AHCY: variants seen among roughly 807,000 people sequenced by gnomAD.
AHCY encodes the protein S-adenosyl-L-homocysteine hydrolase.
Under a neutral mutation model 45.4 loss-of-function variants are expected in AHCY, and 24 were observed. The ratio of observed to expected loss-of-function variants is 0.53; its 90% CI spans 0.38 to 0.74. The LOEUF is 0.74. Ranked by LOEUF, AHCY falls within the 30% of genes least tolerant of loss-of-function variation. AHCY has a pLI of 0.00. For synonymous variants in AHCY, 245 were observed against 235.1 expected, an observed-to-expected ratio of 1.04 and a Z score of -0.39; for missense variants, 449 against 594.1, an observed-to-expected ratio of 0.76 and a Z score of 2.54.
the AHCY span, among the ~76,000 whole-genome samples, chr20:34,248,460 C>G: frequency 4.6e-5 from 7 of 152,302 alleles, no homozygotes; most frequent in African/African-American, 1.2e-4. Flanking sequence ...AAATCATTGT[C>G]TATTTTCAGA....
the AHCY span, chr20:34,246,575 C>T: frequency 6.5e-6 from 5 of 764,816 alleles, no homozygotes; most frequent in African/African-American, 1.7e-5. Flanking sequence ...AGCAATCCTC[C>T]CACCTCAGCC....
At chr20:34,258,942 C>T in the AHCY span, among the ~76,000 whole-genome samples, 4 of 140,892 alleles carry the variant, frequency 2.8e-5, no homozygotes, top group Non-Finnish European at 6.0e-5. Context: ...ACAAATATGG[C>T]TGAGTGGTGG....
upstream of AHCY, among the ~76,000 whole-genome samples, chr20:34,304,236 G>A (rs894114535): frequency 1.3e-5 from 2 of 152,130 alleles, no homozygotes; most frequent in African/African-American, 4.8e-5. Flanking sequence ...TGAGACTCAT[G>A]CATATAGCTT....
chr20:34,253,105 CT>C, the AHCY span, among the ~76,000 whole-genome samples: 4 of 149,388 alleles, frequency 2.7e-5, no homozygotes, highest in Non-Finnish European at 3.0e-5. Context: ...ATCTCTCTTT[CT>C]TTTTTTTTTA....
At chr20:34,267,314 G>A in the AHCY span, among the ~76,000 whole-genome samples, 5 of 151,926 alleles carry the variant, frequency 3.3e-5, no homozygotes, top group African/African-American at 1.2e-4. Context: ...GAAGGCCTCT[G>A]TAAGGAAGTA....
In AHCY at chr20:34,285,442, T is replaced by C. The variant is rs770419535; in HGVS notation, c.1165A>G (p.Lys389Glu). 7 of 1,613,932 alleles carry C rather than the reference T, an allele frequency of 4.3e-6. No homozygotes were observed. The highest frequency in any genetic ancestry group is 4.2e-6 in the Non-Finnish European group (5 of 1,179,844). The change falls in exon 9 of 10, where the codon AAG (lysine) becomes GAG (glutamate). Residue 389 changes from lysine (K) to glutamate (E), a missense_variant and splice_region_variant. Physicochemically the swap from Lys to Glu is moderately conservative, Grantham distance 56 (BLOSUM62 1). Coordinates refer to ENST00000217426, the MANE Select transcript of AHCY (RefSeq NM_000687.4). The part of the protein sequence containing the change: ...YPVGVHFLPK[K>E]LDEAVAEAHL... Reference sequence around the variant, plus strand: ...TTGAGGTAGAAGAATAAACCCACCTTCTTGGGCAGGAAATGAACCCCAACG... The same window carrying C: ...TTGAGGTAGAAGAATAAACCCACCTCCTTGGGCAGGAAATGAACCCCAACG...
the AHCY span, chr20:34,246,648 G>A: frequency 1.8e-6 from 1 of 544,544 alleles, no homozygotes; most frequent in Admixed American, 2.4e-5. Flanking sequence ...GGTAGAGATG[G>A]GGTTTCGCCA....
chr20:34,268,584 A>C, the AHCY span, among the ~76,000 whole-genome samples: 36 of 152,004 alleles, frequency 2.4e-4, no homozygotes, highest in Admixed American at 5.2e-4. Context: ...AATAAAAATA[A>C]ATTTAGCCAA....
the AHCY span, among the ~76,000 whole-genome samples, chr20:34,248,560 T>G: frequency 6.6e-6 from 1 of 152,150 alleles, no homozygotes. Flanking sequence ...TCCAGCACTT[T>G]GGGAGGCCGA....
intron 2 of AHCY, 129 bp from the exon 3 acceptor site, chr20:34,294,285 G>C: frequency 2.3e-6 from 2 of 857,060 alleles, no homozygotes; most frequent in South Asian, 2.9e-5. Flanking sequence ...CAAGCTCTAG[G>C]ATCACAGGCT....
intron 1 of AHCY, chr20:34,302,870 G>A (rs927577852): frequency 1.0e-5 from 10 of 985,464 alleles, no homozygotes; most frequent in Non-Finnish European, 1.1e-5. Flanking sequence ...CGCCCAGCTG[G>A]ACAGGGTCCG....
At chr20:34,245,186 T>C in the AHCY span, among the ~76,000 whole-genome samples, 5 of 150,994 alleles carry the variant, frequency 3.3e-5, no homozygotes, top group African/African-American at 9.7e-5. Context: ...ATACAAAAAT[T>C]AGCTGGGCGT....
rs549414383 is a variant in AHCY at position 34,310,294 on chromosome 20, C to T, written c.-57+1178G>A. Among the ~76,000 whole-genome samples, 10 of 152,196 alleles carry T rather than the reference C, an allele frequency of 6.6e-5. No homozygotes were observed. The East Asian group carries it at 9.6e-4, about 15-fold the overall frequency. ...CAGGCTGGTCTTGAACGCCTGACCT[C>T]GTGATCCACCTGCCTTGGCCTCCCA... On this transcript the variant is annotated intron_variant, in intron 1 of 9. Coordinates refer to the AHCY transcript ENST00000538132.
chr20:34,293,593 C>T (rs1429610864), intron 3 of AHCY: 1 of 276,308 alleles, frequency 3.6e-6, no homozygotes. Context: ...TGGTTAGAAG[C>T]AATCTTGAAT....
chr20:34,250,603 G>C, the AHCY span, among the ~76,000 whole-genome samples: 1 of 152,162 alleles, frequency 6.6e-6, no homozygotes. Context: ...TTTGAGACCA[G>C]CCTGGTCAAC....
In AHCY at chr20:34,285,447, G is replaced by C. The variant is rs777321528; in HGVS notation, c.1160C>G (p.Pro387Arg). The C allele has an allele frequency of 1.4e-5, 23 of 1,613,806 alleles. No homozygotes were observed. Among genetic ancestry groups the C allele is most frequent in the Non-Finnish European group, 1.9e-5 (23 of 1,179,862 alleles). The change falls in exon 9 of 10, where the codon CCC becomes CGC. Residue 387 changes from proline (P) to arginine (R), a missense_variant. Pro to Arg is a moderately radical substitution (Grantham distance 103, BLOSUM62 -2). Coordinates refer to ENST00000217426, the MANE Select transcript of AHCY (RefSeq NM_000687.4). Reference protein sequence around the residue: ...DKYPVGVHFLPKKLDEAVAEA... With the variant: ...DKYPVGVHFLRKKLDEAVAEA... ...GTAGAAGAATAAACCCACCTTCTTG[G>C]GCAGGAAATGAACCCCAACGGGGTA...
the AHCY span, among the ~76,000 whole-genome samples, chr20:34,256,906 G>A: frequency 1.3e-5 from 2 of 151,954 alleles, no homozygotes; most frequent in Non-Finnish European, 2.9e-5. Flanking sequence ...TCAGCCACCC[G>A]AGTAGCTGGG....
intron 8 of AHCY, among the ~76,000 whole-genome samples, chr20:34,287,535 C>T (rs1172623203): frequency 1.3e-5 from 2 of 151,982 alleles, no homozygotes; most frequent in African/African-American, 2.4e-5. Context: ...GGACTATACG[C>T]ATGAGCCACC....
At chr20:34,261,393 G>A in the AHCY span, among the ~76,000 whole-genome samples, 36,948 of 152,112 alleles carry the variant, frequency 0.24, 7,308 homozygotes, top group African/African-American at 0.54. Context: ...CAGCACTTTC[G>A]TAGGCTGAGG....
Sources: gnomAD v4.1 joint callset for allele counts (sites outside exome capture counted in the v4.1 genomes callset) on GRCh38, gnomAD v4.1.1 for gene constraint, MANE v1.5 for transcripts, NCBI Gene and HGNC (gene_info 2026-07-23, HGNC 2026-07-21) for gene names.